Variants in PARD3B observed in about 807,000 individuals in gnomAD.
PARD3B encodes the protein par-3 family cell polarity regulator beta, also known as partitioning defective 3 homolog B.
Under a neutral mutation model 130.2 loss-of-function variants are expected in PARD3B, and 103 were observed. The observed-to-expected ratio is 0.79, with a 90% confidence interval of 0.67 to 0.93. The LOEUF (loss-of-function observed/expected upper bound fraction) is 0.93, where lower values mean the gene tolerates loss of function less well. Ranked by LOEUF, PARD3B falls within the 40% of genes least tolerant of loss-of-function variation. The pLI is 0.00. For synonymous variants in PARD3B, 583 were observed against 553.2 expected (o/e 1.05, Z -0.76); for missense variants, 1,609 against 1,499.2 (o/e 1.07, Z -1.21).
rs1417404122 is a variant in PARD3B, at chr2:204,582,223, A to G, written c.120+36104A>G. ...ATTTCTAAGGTTTCTTCTTGCCCTTATCTTTAGTGACTCCAAAGTTTAATT... is the reference window on the plus strand; with the variant it reads ...ATTTCTAAGGTTTCTTCTTGCCCTTGTCTTTAGTGACTCCAAAGTTTAATT... On this transcript the variant is annotated intron_variant, in intron 1 of 22. Transcript: ENST00000406610. Among the ~76,000 whole-genome samples the G allele has an allele frequency of 5.9e-5, 9 of 152,152 alleles. 1 individual carries two copies. The highest frequency in any genetic ancestry group is 5.9e-4 in the Admixed American group (9 of 15,266).
intron 13 of PARD3B, among the ~76,000 whole-genome samples, chr2:205,185,436 A>G (rs937934304): frequency 6.6e-6 from 1 of 152,214 alleles, no homozygotes; most frequent in African/African-American, 2.4e-5. Context: ...CATAAAACAG[A>G]TGACTTTGTT....
chr2:205,512,991 T>TC (rs1481091283), intron 21 of PARD3B, among the ~76,000 whole-genome samples: 1 of 147,876 alleles, frequency 6.8e-6, no homozygotes, highest in Non-Finnish European at 1.5e-5. Flanking sequence ...TTTTCCTTCT[T>TC]TTTTTTTTTT....
At chr2:205,124,767 A>G (rs2125629915) in intron 9 of PARD3B, among the ~76,000 whole-genome samples, 1 of 152,300 alleles carries the variant, frequency 6.6e-6, no homozygotes, top group South Asian at 2.1e-4. Context: ...GATTGAATCT[A>G]AGAATTCAAC....
Position 204,690,374 on chromosome 2 carries a change from C to T in PARD3B, c.222+4092C>T, listed in dbSNP as rs188645824. Among the ~76,000 whole-genome samples the T allele has an allele frequency of 1.3e-3, 203 of 152,238 alleles. 2 individuals carry two copies. Among genetic ancestry groups the T allele is most frequent in the African/African-American group, 4.8e-3 (198 of 41,556 alleles). ...TGAATATGAATGTTACATGACACAG[C>T]GTCTTTGCAGATGTGCTTAAGGATC... is the stretch of plus-strand genomic sequence containing the variant. On this transcript the variant is annotated intron_variant, in intron 2 of 22. Transcript: ENST00000406610.
chr2:205,570,671 C>T (rs1404970923), intron 22 of PARD3B, among the ~76,000 whole-genome samples: 1 of 152,162 alleles, frequency 6.6e-6, no homozygotes, highest in Non-Finnish European at 1.5e-5. Flanking sequence ...TCATCCTCCT[C>T]GCTCCCACCC....
chr2:205,097,168 G>A (rs1014922658), intron 4 of PARD3B, among the ~76,000 whole-genome samples: 7 of 152,104 alleles, frequency 4.6e-5, no homozygotes, highest in African/African-American at 1.7e-4. Flanking sequence ...TATACATCTA[G>A]TTATATGTGA....
chr2:205,543,918 G>A (rs996614087), intron 21 of PARD3B, among the ~76,000 whole-genome samples: 2 of 152,130 alleles, frequency 1.3e-5, no homozygotes, highest in African/African-American at 4.8e-5. Context: ...GCTTGGTCAA[G>A]GAATATGCTT....
intron 20 of PARD3B, among the ~76,000 whole-genome samples, chr2:205,487,284 C>A (rs901876208): frequency 6.6e-6 from 1 of 152,136 alleles, no homozygotes; most frequent in Non-Finnish European, 1.5e-5. Context: ...TTTTAAAACA[C>A]TCTTTTCCTT....
intron 2 of PARD3B, among the ~76,000 whole-genome samples, chr2:204,953,063 T>TAG (rs921278148): frequency 7.6e-6 from 1 of 132,110 alleles, no homozygotes; most frequent in Non-Finnish European, 1.6e-5. Context: ...TACGTATATA[T>TAG]ATAGAGAGAG....
intron 18 of PARD3B, among the ~76,000 whole-genome samples, chr2:205,375,108 T>C (rs996653496): frequency 2.6e-5 from 4 of 152,212 alleles, no homozygotes; most frequent in African/African-American, 9.6e-5. Flanking sequence ...TTCCTCTTTG[T>C]TCTCCAGTAC....
At chr2:205,576,717 G>C (rs2053772552) in intron 22 of PARD3B, among the ~76,000 whole-genome samples, 1 of 152,128 alleles carries the variant, frequency 6.6e-6, no homozygotes, top group African/African-American at 2.4e-5. Flanking sequence ...AAATCTTAAA[G>C]TTGGCTATTA....
chr2:204,721,683 CTT>C (rs1437200109), intron 2 of PARD3B, among the ~76,000 whole-genome samples: 1 of 151,946 alleles, frequency 6.6e-6, no homozygotes, highest in Non-Finnish European at 1.5e-5. Context: ...TGAAAAGAAA[CTT>C]GATAAAAATG....
intron 21 of PARD3B, among the ~76,000 whole-genome samples, chr2:205,523,478 G>C (rs2051185309): frequency 6.6e-6 from 1 of 151,572 alleles, no homozygotes; most frequent in Non-Finnish European, 1.5e-5. Flanking sequence ...TATTTTCTTT[G>C]ATGATTTTTA....
At position 205,619,656 on chromosome 2, in the gene PARD3B, GA is replaced by G. The variant is rs2105817013; in HGVS notation, c.*3844del. The G allele has an allele frequency of 6.6e-6, 1 of 152,124 alleles. No individual in the cohort carries two copies. Among genetic ancestry groups the G allele is most frequent in the Non-Finnish European group, 1.5e-5 (1 of 67,970 alleles). 9.4% of individuals were successfully genotyped at this position (152,124 alleles called of 1,614,324 possible). A position where few individuals can be genotyped will look rare whatever the true frequency, so the allele number is the denominator to read the frequency against. ...ACAAAGTCACCTTTCTGATAAAAAG[GA>G]GGGAAAAAAAAGTTAGATATCTAAA... On this transcript the variant is annotated 3_prime_UTR_variant, in exon 23 of 23. Coordinates refer to ENST00000406610, the MANE Select transcript of PARD3B (RefSeq NM_001302769.2).
chr2:204,709,630 T>C (rs6750084), intron 2 of PARD3B, among the ~76,000 whole-genome samples: 108,310 of 152,054 alleles, frequency 0.71, 40,093 homozygotes, highest in South Asian at 0.82. Flanking sequence ...TTCTCCATGA[T>C]AGTGTCATAC....
At chr2:204,965,627 A>G (rs1691170805) in intron 3 of PARD3B, among the ~76,000 whole-genome samples, 1 of 152,096 alleles carries the variant, frequency 6.6e-6, no homozygotes, top group Admixed American at 6.6e-5. Context: ...AAAATTCCTG[A>G]AAAAAACTCA....
chr2:204,839,937 G>T (rs1276440318), intron 2 of PARD3B, among the ~76,000 whole-genome samples: 1 of 152,078 alleles, frequency 6.6e-6, no homozygotes, highest in African/African-American at 2.4e-5. Context: ...AAATATTTTA[G>T]TGCCACTTAA....
At chr2:204,881,807 G>A (rs1255921403) in intron 2 of PARD3B, among the ~76,000 whole-genome samples, 6 of 152,226 alleles carry the variant, frequency 3.9e-5, no homozygotes, top group Non-Finnish European at 2.9e-5. Flanking sequence ...TGTGTGTTGT[G>A]CATCTGCTAT....
intron 2 of PARD3B, among the ~76,000 whole-genome samples, chr2:204,885,904 G>A (rs115970227): frequency 0.015 from 2,330 of 152,160 alleles, 53 homozygotes; most frequent in African/African-American, 0.048. Context: ...TCCTCCAACC[G>A]CCTGAGAAGG....
Sources: gnomAD v4.1 joint callset for allele counts (sites outside exome capture counted in the v4.1 genomes callset) on GRCh38, gnomAD v4.1.1 for gene constraint, MANE v1.5 for transcripts, NCBI Gene and HGNC (gene_info 2026-07-23, HGNC 2026-07-21) for gene names.